KMT2A: variants seen among roughly 807,000 people sequenced by gnomAD.
The protein encoded by KMT2A is lysine methyltransferase 2A.
Under a neutral mutation model 345.3 loss-of-function variants are expected in KMT2A, and 16 were observed. That is an observed-to-expected ratio of 0.05 (90% confidence interval 0.03 to 0.07). The LOEUF (loss-of-function observed/expected upper bound fraction) is 0.07. Among genes scored for constraint, KMT2A ranks in the 10% least tolerant of loss-of-function variants. The pLI is 1.00. For missense variants in KMT2A, 3,272 were observed against 4,841.6 expected, an observed-to-expected ratio of 0.68 and a Z score of 9.62; for synonymous variants, 1,599 against 1,778.6, an observed-to-expected ratio of 0.90 and a Z score of 2.54.
At chr11:118,452,258 A>G (rs937394517) in intron 1 of KMT2A, among the ~76,000 whole-genome samples, 6 of 152,182 alleles carry the variant, frequency 3.9e-5, no homozygotes, top group Non-Finnish European at 7.3e-5. Context: ...TTTTTCAGTC[A>G]GGCATGGTGG....
intron 1 of KMT2A, among the ~76,000 whole-genome samples, chr11:118,463,373 G>A (rs1000838378): frequency 3.3e-5 from 5 of 152,194 alleles, no homozygotes; most frequent in South Asian, 2.1e-4. Context: ...CATAAAATGC[G>A]TGTATTTAGC....
chr11:118,474,381 A>G (rs1032877483), intron 3 of KMT2A, 66 bp downstream of exon 3: 63 of 1,534,066 alleles, frequency 4.1e-5, no homozygotes, highest in Admixed American at 6.1e-5. Context: ...GGCAAGTTTT[A>G]GGCTAAGTGG....
At position 118,505,510 on chromosome 11, in the gene KMT2A, G is replaced by C. The variant is rs953097036; in HGVS notation, c.9618G>C (p.Gln3206His). The change falls in exon 27 of 36, where the codon CAG becomes CAC. Residue 3206 changes from glutamine (Q) to histidine (H), a missense_variant. Coordinates refer to ENST00000534358, the MANE Select transcript of KMT2A (RefSeq NM_001197104.2). This position sits in a 1 kb window ranked among gnomAD's most constrained non-coding sequence, Gnocchi z 4.6. ...AACTTTTGGTTTCAGAATCCAGCCA[G>C]AGGACAGACCTCAGTACCACAGTAG... ...DPQLLVSESS[Q>H]RTDLSTTVAT... 1 of 1,614,132 alleles carries C rather than the reference G, an allele frequency of 6.2e-7. No homozygotes were observed. The highest frequency in any genetic ancestry group is 8.5e-7 in the Non-Finnish European group (1 of 1,180,012).
chr11:118,447,514 T>C lies in KMT2A; in HGVS notation c.432+10570T>C, dbSNP rs1949446176. ...TGCGACATTTTTGTAAAGGTATTGA[T>C]TGGGGTTTTGAAAGCGATGTTAGGG... On this transcript the variant is annotated intron_variant, in intron 1 of 35. Coordinates refer to ENST00000534358, the MANE Select transcript of KMT2A (RefSeq NM_001197104.2). 1.8e-5 allele frequency: 4 copies of C among 220,924 alleles called. 1 individual carries two copies. The highest frequency in any genetic ancestry group is 3.8e-5 in the Non-Finnish European group (4 of 104,436). The allele number at this position is 220,924 out of a possible 1,614,324, so 13.7% of individuals were successfully genotyped here.
chr11:118,473,403 A>C lies in KMT2A; in HGVS notation c.2244A>C (p.Pro748=). Residue 748 remains proline, a synonymous_variant, in exon 3 of 36, where the codon CCA becomes CCC. Coordinates refer to ENST00000534358, the MANE Select transcript of KMT2A (RefSeq NM_001197104.2). The surrounding 1 kb of genome is among the most constrained non-coding windows in gnomAD (Gnocchi z 5.2). ...RKVFSPIRSE[P]RSPSHSMRTR... ...TGTTTAGTCCTATTCGATCTGAACC[A>C]AGATCTCCTTCTCACTCCATGAGGA... The C allele has an allele frequency of 1.2e-6, 2 of 1,614,218 alleles. No individual in the cohort carries two copies. The highest frequency in any genetic ancestry group is 1.7e-6 in the Non-Finnish European group (2 of 1,180,034).
intron 4 of KMT2A, among the ~76,000 whole-genome samples, 157 bp downstream of exon 4, chr11:118,477,139 G>T (rs1950051284): frequency 6.6e-6 from 1 of 152,198 alleles, no homozygotes; most frequent in South Asian, 2.1e-4. Flanking sequence ...TAGAAGAAAT[G>T]CCTGAGAAGG....
chr11:118,520,638 G>A lies in KMT2A; in HGVS notation c.11430-164G>A, dbSNP rs1591309864. The A allele has an allele frequency of 1.2e-5, 7 of 607,610 alleles. No individual in the cohort carries two copies. The highest frequency in any genetic ancestry group is 8.4e-5 in the East Asian group (3 of 35,870). 37.6% of individuals were successfully genotyped at this position (607,610 alleles called of 1,614,324 possible). A position where few individuals can be genotyped will look rare whatever the true frequency, so the allele number is the denominator to read the frequency against. On this transcript the variant is annotated intron_variant, in intron 33 of 35. Coordinates refer to ENST00000534358, the MANE Select transcript of KMT2A (RefSeq NM_001197104.2). This position sits in a 1 kb window ranked among gnomAD's most constrained non-coding sequence, Gnocchi z 4.3. The stretch of plus-strand genomic sequence containing the variant: ...TGGACTCCAGCCTGGGCGACAGAGC[G>A]AAACTCCATCTCAAAAAAAAAAGGG...
chr11:118,487,041 A>C (rs184127699), intron 10 of KMT2A, among the ~76,000 whole-genome samples: 1 of 152,202 alleles, frequency 6.6e-6, no homozygotes, highest in Non-Finnish European at 1.5e-5. Context: ...ATTATTGCCT[A>C]CTATTCATTT....
chr11:118,510,441 G>GT lies in KMT2A; in HGVS notation c.11071+324dup, dbSNP rs1950663647. On this transcript the variant is annotated intron_variant, in intron 30 of 35. Transcript: ENST00000534358. The surrounding 1 kb of genome is among the most constrained non-coding windows in gnomAD (Gnocchi z 4.1). ...TTCTGTGCCCTTCTCTCTCCCTTGT[G>GT]TGCCTTCACACGTGCTTTCTCCTCT... 6.6e-6 allele frequency among the ~76,000 whole-genome samples: 1 copy of GT among 152,130 alleles called. No individual in the cohort carries two copies. The highest frequency in any genetic ancestry group is 2.1e-4 in the South Asian group (1 of 4,816).
rs756582747 is a variant in KMT2A at position 118,511,955 on chromosome 11, C to T, written c.11076C>T (p.Ala3692=). 1 of 1,613,978 alleles carries T rather than the reference C, an allele frequency of 6.2e-7. No homozygotes were observed. The highest frequency in any genetic ancestry group is 8.5e-7 in the Non-Finnish European group (1 of 1,179,898). The part of the protein sequence containing the change: ...FQICAESIED[A]WKSLTDKVQE... ...GTTTTCTTTATTTCCTTTCAGATGCCTGGAAGTCATTGACAGATAAAGTCC... is the reference window on the plus strand; with the variant it reads ...GTTTTCTTTATTTCCTTTCAGATGCTTGGAAGTCATTGACAGATAAAGTCC... The change falls in exon 31 of 36, where the codon GCC becomes GCT. Residue 3692 remains alanine, a synonymous_variant. Coordinates refer to ENST00000534358, the MANE Select transcript of KMT2A (RefSeq NM_001197104.2).
In KMT2A at chr11:118,491,419, G is replaced by A; in HGVS notation, c.4819+101G>A. The A allele has an allele frequency of 8.6e-7, 1 of 1,166,742 alleles. No individual in the cohort carries two copies. Among genetic ancestry groups the A allele is most frequent in the Non-Finnish European group, 1.2e-6 (1 of 838,572 alleles). The allele number at this position is 1,166,742 out of a possible 1,614,324, so 72.3% of individuals were successfully genotyped here. A position where few individuals can be genotyped will look rare whatever the true frequency, so the allele number is the denominator to read the frequency against. On this transcript the variant is annotated intron_variant, in intron 14 of 35. Transcript: ENST00000534358. The surrounding 1 kb of genome is among the most constrained non-coding windows in gnomAD (Gnocchi z 4.2). ...TAAAATTATGGTTGTGTTGTTATTT[G>A]AAATCTCTAAATTTATTTTTTAGTC...
In KMT2A at chr11:118,521,625, C is replaced by CT. The variant is rs1414702392; in HGVS notation, c.11643+209dup. The stretch of plus-strand genomic sequence containing the variant: ...AGAAAGTTGCTCTTAGAAGGTTTGT[C>CT]TGAGTGGCTCCTAGTATCAGAAGCA... On this transcript the variant is annotated intron_variant, in intron 35 of 35. Transcript: ENST00000534358. The surrounding 1 kb of genome is among the most constrained non-coding windows in gnomAD (Gnocchi z 5.3). Among the ~76,000 whole-genome samples the CT allele has an allele frequency of 1.3e-5, 2 of 152,196 alleles. No individual in the cohort carries two copies. Among genetic ancestry groups the CT allele is most frequent in the African/African-American group, 4.8e-5 (2 of 41,458 alleles).
rs782424852 is a variant in KMT2A, at chr11:118,473,914, G to A, written c.2755G>A (p.Glu919Lys). 1 of 1,614,208 alleles carries A rather than the reference G, an allele frequency of 6.2e-7. No individual in the cohort carries two copies. The highest frequency in any genetic ancestry group is 8.5e-7 in the Non-Finnish European group (1 of 1,180,038). ...GGTTTCCAAAGAGAAGGTTGTTGGT[G>A]AAGATGTTGCCACTTCATCTTCTGC... ...GRVSKEKVVGEDVATSSSAKK... is the reference protein window; with the variant it reads ...GRVSKEKVVGKDVATSSSAKK... The change falls in exon 3 of 36, where the codon GAA becomes AAA. Residue 919 changes from glutamate (E) to lysine (K), a missense_variant. Glu to Lys is a moderately conservative substitution (Grantham distance 56, BLOSUM62 1). Transcript: ENST00000534358. This position sits in a 1 kb window ranked among gnomAD's most constrained non-coding sequence, Gnocchi z 5.2.
In KMT2A at chr11:118,510,063, T is replaced by G; in HGVS notation, c.11016T>G (p.Leu3672=). 6.2e-7 allele frequency: 1 copy of G among 1,613,896 alleles called. No homozygotes were observed. Among genetic ancestry groups the G allele is most frequent in the Non-Finnish European group, 8.5e-7 (1 of 1,179,844 alleles). Reference sequence around the variant, plus strand: ...CTGAGAAAAAACCCAAGAAAGGACTTGTTTTTGAAATTTCCAGTGATGATG... The same window carrying G: ...CTGAGAAAAAACCCAAGAAAGGACTGGTTTTTGAAATTTCCAGTGATGATG... The part of the protein sequence containing the change: ...SITEKKPKKG[L]VFEISSDDGF... The change falls in exon 30 of 36, where the codon CTT becomes CTG. Residue 3672 remains leucine, a synonymous_variant. Coordinates refer to ENST00000534358, the MANE Select transcript of KMT2A (RefSeq NM_001197104.2). The surrounding 1 kb of genome is among the most constrained non-coding windows in gnomAD (Gnocchi z 4.1).
chr11:118,506,659 A>G lies in KMT2A; in HGVS notation c.10754+13A>G. 6.4e-7 allele frequency: 1 copy of G among 1,571,224 alleles called. No homozygotes were observed. Among genetic ancestry groups the G allele is most frequent in the South Asian group, 1.2e-5 (1 of 84,098 alleles). On this transcript the variant is annotated intron_variant, in intron 27 of 35. Transcript: ENST00000534358. ...CCTCAGGCACAGGGTGAGAGATCCA[A>G]ATACTAGCTAGGCTGGGTCTGTGGG...
chr11:118,441,179 T>G (rs782067204), intron 1 of KMT2A, among the ~76,000 whole-genome samples: 29 of 151,518 alleles, frequency 1.9e-4, no homozygotes, highest in Admixed American at 8.6e-4. Flanking sequence ...TAATTTTTGT[T>G]TTTTTTTTGA....
intron 1 of KMT2A, among the ~76,000 whole-genome samples, chr11:118,458,765 A>T (rs1487393588): frequency 6.6e-6 from 1 of 152,214 alleles, no homozygotes; most frequent in Non-Finnish European, 1.5e-5. Flanking sequence ...AGCTGAAGTG[A>T]TAGCTACCTG....
rs1223415005 is a variant in KMT2A at position 118,510,201 on chromosome 11, A to G, written c.11071+83A>G. On this transcript the variant is annotated intron_variant, in intron 30 of 35. Transcript: ENST00000534358. This position sits in a 1 kb window ranked among gnomAD's most constrained non-coding sequence, Gnocchi z 4.1. ...CATTTTCTGAGTATTAGCACCATTT[A>G]GGTGGCTGTTTTATGCTAGATGGTA... The G allele has an allele frequency of 1.7e-6, 2 of 1,154,028 alleles. No homozygotes were observed. Among genetic ancestry groups the G allele is most frequent in the African/African-American group, 3.1e-5 (2 of 63,794 alleles). 71.5% of individuals were successfully genotyped at this position (1,154,028 alleles called of 1,614,324 possible).
chr11:118,439,089 G>A (rs1949260059), intron 1 of KMT2A: 1 of 511,082 alleles, frequency 2.0e-6, no homozygotes, highest in Admixed American at 2.0e-5. Context: ...AGACTGAACC[G>A]TTCAGGTTAC....
Sources: gnomAD v4.1 joint callset for allele counts (sites outside exome capture counted in the v4.1 genomes callset) on GRCh38, gnomAD v4.1.1 for gene constraint, Gnocchi (gnomAD v3.1) non-coding constraint, MANE v1.5 for transcripts, NCBI Gene and HGNC (gene_info 2026-07-23, HGNC 2026-07-21) for gene names.